The following TRPM3 variants were observed in gnomAD, a reference collection of about 807,000 sequenced individuals.
TRPM3 encodes transient receptor potential cation channel subfamily M member 3.
TRPM3 carries 77 observed loss-of-function variants against 181.2 expected under a neutral mutation model. The ratio of observed to expected loss-of-function variants is 0.42; its 90% CI spans 0.35 to 0.51. TRPM3 has a LOEUF of 0.51. Among genes scored for constraint, TRPM3 ranks in the 20% least tolerant of loss-of-function variants. The probability of loss-of-function intolerance (pLI) is 0.01; values close to 1 mark genes in which losing one functional copy is unlikely to be tolerated. For synonymous variants in TRPM3, 745 were observed against 796.4 expected (o/e 0.94, Z 1.09); for missense variants, 1,759 against 2,196.7 (o/e 0.80, Z 3.98).
At chr9:71,129,662 A>G (rs1466741578) in intron 1 of TRPM3, among the ~76,000 whole-genome samples, 1 of 152,152 alleles carries the variant, frequency 6.6e-6, no homozygotes, top group African/African-American at 2.4e-5. Flanking sequence ...ACCCATTACA[A>G]TATGCTGCTG....
At chr9:71,163,486 T>C (rs57702203) in intron 1 of TRPM3, among the ~76,000 whole-genome samples, 1,533 of 152,256 alleles carry the variant, frequency 0.01, 32 homozygotes, top group African/African-American at 0.036. Flanking sequence ...TGTTATTTAT[T>C]AGGGTAGGCA....
At chr9:71,129,575 A>G (rs2074248953) in intron 1 of TRPM3, among the ~76,000 whole-genome samples, 1 of 152,228 alleles carries the variant, frequency 6.6e-6, no homozygotes, top group African/African-American at 2.4e-5. Context: ...CAGACTGGTT[A>G]AGAAACCTGC....
intron 1 of TRPM3, among the ~76,000 whole-genome samples, chr9:71,068,155 A>G (rs1442262308): frequency 2.6e-5 from 4 of 152,214 alleles, no homozygotes; most frequent in Non-Finnish European, 5.9e-5. Flanking sequence ...AAGGGGAAAG[A>G]TAAGTTCAGG....
In TRPM3 at chr9:71,441,924, C is replaced by T. The variant is rs116151468; in HGVS notation, c.183+4729G>A. Among the ~76,000 whole-genome samples, 1,414 of 152,280 alleles carry T rather than the reference C, an allele frequency of 9.3e-3. 19 individuals carry two copies. The highest frequency in any genetic ancestry group is 0.032 in the African/African-American group (1,339 of 41,544). ...GGGATTACAGGCATGAGCCACTGTG[C>T]CCGGCCTTCTTCATTTATTTTAAGA... On this transcript the variant is annotated intron_variant, in intron 1 of 24. Coordinates refer to the TRPM3 transcript ENST00000357533.
chr9:71,177,028 C>T (rs934399445), intron 1 of TRPM3, among the ~76,000 whole-genome samples: 1 of 152,054 alleles, frequency 6.6e-6, no homozygotes, highest in Non-Finnish European at 1.5e-5. Flanking sequence ...CAGCCACCTC[C>T]CATCACTTGC....
At chr9:71,315,572 T>C (rs2088495181) in intron 1 of TRPM3, among the ~76,000 whole-genome samples, 1 of 152,170 alleles carries the variant, frequency 6.6e-6, no homozygotes, top group Non-Finnish European at 1.5e-5. Context: ...GACCATCAAA[T>C]CCAGCTAAGT....
In TRPM3 at chr9:70,573,052, T is replaced by A. The variant is rs537159553; in HGVS notation, c.3223+17979A>T. ...AGAAGAATCAATATAATGTCCTAAT[T>A]TTAAATAAACGAGAAATTAAAGGAA... On this transcript the variant is annotated intron_variant, in intron 22 of 25. Coordinates refer to ENST00000677713, the MANE Select transcript of TRPM3 (RefSeq NM_001366145.2). Among the ~76,000 whole-genome samples the A allele has an allele frequency of 2.0e-5, 3 of 152,294 alleles. No homozygotes were observed. In the South Asian group the frequency reaches 6.2e-4, roughly 32 times the overall value.
intron 1 of TRPM3, among the ~76,000 whole-genome samples, chr9:71,113,652 C>A (rs952205449): frequency 6.6e-6 from 1 of 152,000 alleles, no homozygotes; most frequent in Non-Finnish European, 1.5e-5. Context: ...CTGCATGATC[C>A]CTTAAAAAAT....
At chr9:70,904,066 A>C (rs949374840) in intron 1 of TRPM3, among the ~76,000 whole-genome samples, 1 of 152,072 alleles carries the variant, frequency 6.6e-6, no homozygotes, top group African/African-American at 2.4e-5. Flanking sequence ...TACAAGAAAC[A>C]CAAGAATTAG....
intron 1 of TRPM3, among the ~76,000 whole-genome samples, chr9:71,236,987 C>T (rs1273053577): frequency 8.6e-5 from 11 of 128,432 alleles, no homozygotes; most frequent in African/African-American, 3.1e-4. Context: ...GCGGAGGCTG[C>T]AGTGAGCCGA....
intron 1 of TRPM3, among the ~76,000 whole-genome samples, chr9:70,954,059 TC>T (rs2097036595): frequency 6.6e-6 from 1 of 152,094 alleles, no homozygotes; most frequent in Middle Eastern, 3.2e-3. Flanking sequence ...AATGATTTTT[TC>T]AGGAAGAAAC....
At chr9:70,682,753 A>G (rs2065788767) in intron 8 of TRPM3, among the ~76,000 whole-genome samples, 1 of 152,188 alleles carries the variant, frequency 6.6e-6, no homozygotes, top group Admixed American at 6.5e-5. Flanking sequence ...GAGGCTATAG[A>G]AAAAAAGCCA....
At chr9:71,216,513 C>T (rs913630188) in intron 1 of TRPM3, among the ~76,000 whole-genome samples, 1 of 152,156 alleles carries the variant, frequency 6.6e-6, no homozygotes, top group African/African-American at 2.4e-5. Flanking sequence ...TTTGTGTTTA[C>T]ATGCCAGTAC....
intron 1 of TRPM3, among the ~76,000 whole-genome samples, chr9:71,420,783 GAGAAAGAGAGAGAA>G (rs1565557382): frequency 1.8e-5 from 1 of 56,180 alleles, no homozygotes; most frequent in African/African-American, 6.5e-5. Context: ...GAGAAAGAGA[GAGAAAGAGAGAGAA>G]AGAAAGAGAG....
rs2074511485 is a variant in TRPM3, at chr9:71,133,535, T to G, written c.184-269024A>C. ...GCTGGTCTAGAACTCCCAACTTAGG[T>G]GATCCGCCTGCCTCGGCCTCCCAAG... On this transcript the variant is annotated intron_variant, in intron 1 of 24. Coordinates refer to the TRPM3 transcript ENST00000357533. 2.7e-5 allele frequency among the ~76,000 whole-genome samples: 4 copies of G among 148,410 alleles called. No homozygotes were observed. In the South Asian group the frequency reaches 8.6e-4, roughly 32 times the overall value.
chr9:71,405,904 T>C (rs1455998896), intron 1 of TRPM3, among the ~76,000 whole-genome samples: 1 of 152,338 alleles, frequency 6.6e-6, no homozygotes, highest in East Asian at 1.9e-4. Flanking sequence ...AGTGCAGAAA[T>C]ATTCAGAAGT....
chr9:71,195,461 C>G (rs1370206361), intron 1 of TRPM3, among the ~76,000 whole-genome samples: 1 of 151,894 alleles, frequency 6.6e-6, no homozygotes, highest in Non-Finnish European at 1.5e-5. Flanking sequence ...CAAAAAATAA[C>G]AGGTGCCAGT....
chr9:71,196,167 A>ATG (rs71507026), intron 1 of TRPM3, among the ~76,000 whole-genome samples: 6,898 of 149,368 alleles, frequency 0.046, 190 homozygotes, highest in East Asian at 0.084. Context: ...ACACACGTAT[A>ATG]TGTGTGTGTG....
intron 1 of TRPM3, among the ~76,000 whole-genome samples, chr9:70,877,408 T>A (rs1326956287): frequency 2.6e-5 from 4 of 152,062 alleles, no homozygotes; most frequent in African/African-American, 9.7e-5. Context: ...ACACAAATAT[T>A]CATAACCTGG....
Sources: allele counts gnomAD v4.1 joint callset (sites outside exome capture counted in the v4.1 genomes callset), GRCh38; gene constraint gnomAD v4.1.1; transcripts MANE v1.5; gene names NCBI Gene and HGNC (gene_info 2026-07-23, HGNC 2026-07-21).